MSRB3: variants seen among roughly 807,000 people sequenced by gnomAD.
MSRB3 encodes the protein methionine sulfoxide reductase B3.
A neutral mutation model predicts 21.0 loss-of-function variants in MSRB3; 13 were observed. The ratio of observed to expected loss-of-function variants is 0.62; its 90% CI spans 0.40 to 0.98. MSRB3 has a LOEUF of 0.98. MSRB3 is among the 50% of genes least tolerant of loss of function. The pLI is 0.00. For synonymous variants in MSRB3, 87 were observed against 88.6 expected (o/e 0.98, Z 0.10); for missense variants, 199 against 230.3 (o/e 0.86, Z 0.88).
chr12:65,371,396 A>G lies in MSRB3; in HGVS notation c.292+2370A>G, dbSNP rs1000353767. Among the ~76,000 whole-genome samples the G allele has an allele frequency of 5.3e-5, 8 of 151,538 alleles. No individual in the cohort carries two copies. In the South Asian group the frequency reaches 6.2e-4, roughly 12 times the overall value. On this transcript the variant is annotated intron_variant, in intron 5 of 6. Coordinates refer to ENST00000308259, the MANE Select transcript of MSRB3 (RefSeq NM_001031679.3). ...ACAATTAAATAGGTTCAGATTCTCT[A>G]TTGTGCATCAAATACAGAAAGTAAA... is the stretch of plus-strand genomic sequence containing the variant.
Position 65,455,169 on chromosome 12 carries a change from T to C in MSRB3, c.390+1344T>C, listed in dbSNP as rs148153544. On this transcript the variant is annotated intron_variant, in intron 6 of 6. Transcript: ENST00000308259. ...CACCAGGCACAAAATGTTTAGGGAGTAGGTGGCATATTTACTACCAAGTAG... is the reference window on the plus strand; with the variant it reads ...CACCAGGCACAAAATGTTTAGGGAGCAGGTGGCATATTTACTACCAAGTAG... Among the ~76,000 whole-genome samples the C allele has an allele frequency of 5.6e-3, 843 of 150,982 alleles. 10 individuals carry two copies. The highest frequency in any genetic ancestry group is 0.019 in the African/African-American group (782 of 41,046).
intron 2 of MSRB3, among the ~76,000 whole-genome samples, chr12:65,317,877 A>G (rs773589030): frequency 1.3e-5 from 2 of 152,210 alleles, no homozygotes; most frequent in Non-Finnish European, 2.9e-5. Flanking sequence ...AGATTTAAAT[A>G]GCAATAATTA....
At chr12:65,345,352 G>A (rs1294335264) in intron 4 of MSRB3, among the ~76,000 whole-genome samples, 1 of 152,000 alleles carries the variant, frequency 6.6e-6, no homozygotes, top group Non-Finnish European at 1.5e-5. Context: ...GAAAATAAAA[G>A]ATGGCTCATT....
intron 5 of MSRB3, among the ~76,000 whole-genome samples, chr12:65,445,366 A>G (rs144724775): frequency 2.0e-5 from 3 of 150,324 alleles, no homozygotes; most frequent in East Asian, 2.0e-4. Flanking sequence ...TACAAATTTG[A>G]TCATGTTACT....
chr12:65,393,531 T>A (rs923553922), intron 5 of MSRB3, among the ~76,000 whole-genome samples: 75 of 148,642 alleles, frequency 5.0e-4, no homozygotes, highest in African/African-American at 1.8e-3. Flanking sequence ...TACGGGAGGC[T>A]GAGGCACGAG....
At chr12:65,375,222 C>T (rs1878545276) in intron 5 of MSRB3, among the ~76,000 whole-genome samples, 1 of 152,036 alleles carries the variant, frequency 6.6e-6, no homozygotes, top group South Asian at 2.1e-4. Context: ...ACTAACTTGA[C>T]CAGGAAACAG....
chr12:65,369,552 A>G (rs901702564), intron 5 of MSRB3, among the ~76,000 whole-genome samples: 4 of 152,174 alleles, frequency 2.6e-5, no homozygotes, highest in African/African-American at 7.2e-5. Context: ...TTAAGACAAA[A>G]TTTACATTCT....
At chr12:65,418,651 GT>G (rs375843920) in intron 5 of MSRB3, 28,738 of 460,590 alleles carry the variant, frequency 0.062, 3 homozygotes, top group South Asian at 0.08. Flanking sequence ...TCCATTTTGA[GT>G]TTTTTTTTTT....
chr12:65,303,087 A>C (rs1873438729), intron 1 of MSRB3, among the ~76,000 whole-genome samples: 1 of 151,912 alleles, frequency 6.6e-6, no homozygotes, highest in South Asian at 2.1e-4. Flanking sequence ...GGTGTGGTGG[A>C]GGGGAGCATT....
intron 5 of MSRB3, among the ~76,000 whole-genome samples, chr12:65,422,966 T>TTC (rs1881399701): frequency 6.8e-6 from 1 of 147,646 alleles, no homozygotes; most frequent in Non-Finnish European, 1.5e-5. Flanking sequence ...GTTTTCTTTT[T>TTC]TTTTTTTTTT....
chr12:65,435,049 T>A (rs1489840084), intron 5 of MSRB3, among the ~76,000 whole-genome samples: 1 of 151,838 alleles, frequency 6.6e-6, no homozygotes, highest in Non-Finnish European at 1.5e-5. Context: ...AGAGGTAGAC[T>A]CCACGGCACT....
At chr12:65,394,582 A>G (rs1364866255) in intron 5 of MSRB3, among the ~76,000 whole-genome samples, 6 of 152,212 alleles carry the variant, frequency 3.9e-5, no homozygotes, top group Non-Finnish European at 8.8e-5. Flanking sequence ...AACATGTCCC[A>G]ACTCATTCTA....
intron 4 of MSRB3, among the ~76,000 whole-genome samples, chr12:65,353,029 C>G (rs1877130490): frequency 6.6e-6 from 1 of 150,688 alleles, no homozygotes. Context: ...GCCAAAAGAA[C>G]AAAGCTTTAG....
intron 5 of MSRB3, among the ~76,000 whole-genome samples, chr12:65,371,674 C>T (rs573603433): frequency 2.0e-5 from 3 of 151,930 alleles, no homozygotes; most frequent in Non-Finnish European, 4.4e-5. Flanking sequence ...CAGAGCTTAC[C>T]GCACAACATT....
At chr12:65,331,850 C>G (rs376889926) in intron 4 of MSRB3, among the ~76,000 whole-genome samples, 61 of 152,312 alleles carry the variant, frequency 4.0e-4, no homozygotes, top group African/African-American at 1.3e-3. Flanking sequence ...GAGCCTGGCA[C>G]TAGAGAAGCT....
intron 4 of MSRB3, among the ~76,000 whole-genome samples, chr12:65,359,139 T>C (rs1182974998): frequency 6.6e-6 from 1 of 152,030 alleles, no homozygotes; most frequent in Non-Finnish European, 1.5e-5. Context: ...AATGGTGCGT[T>C]TAGGCCCTAA....
intron 1 of MSRB3, among the ~76,000 whole-genome samples, chr12:65,302,329 A>G (rs1873384585): frequency 6.6e-6 from 1 of 152,200 alleles, no homozygotes; most frequent in South Asian, 2.1e-4. Context: ...AAACTCCCAT[A>G]TGTCCCTGCC....
At chr12:65,395,505 TAAC>T (rs1368614752) in intron 5 of MSRB3, among the ~76,000 whole-genome samples, 4 of 151,828 alleles carry the variant, frequency 2.6e-5, no homozygotes, top group Non-Finnish European at 5.9e-5. Context: ...TTAAAAATAA[TAAC>T]AAGTTCATCA....
chr12:65,446,860 A>T (rs887847987), intron 5 of MSRB3, among the ~76,000 whole-genome samples: 3 of 152,222 alleles, frequency 2.0e-5, no homozygotes, highest in African/African-American at 7.2e-5. Flanking sequence ...CAGAATTGAC[A>T]AGAGCAAAAT....
Sources: gnomAD v4.1 joint callset for allele counts (sites outside exome capture counted in the v4.1 genomes callset) on GRCh38, gnomAD v4.1.1 for gene constraint, MANE v1.5 for transcripts, NCBI Gene and HGNC (gene_info 2026-07-23, HGNC 2026-07-21) for gene names.